The following GPC6 variants were observed in gnomAD, a reference collection of about 807,000 sequenced individuals.
GPC6 encodes the protein glypican 6, also known as glypican-6.
In GPC6, 14 loss-of-function variants were observed where a neutral mutation model predicts 55.2. The ratio of observed to expected loss-of-function variants is 0.25; its 90% CI spans 0.17 to 0.40. GPC6 has a LOEUF of 0.40. Ranked by LOEUF, GPC6 falls within the 10% of genes least tolerant of loss-of-function variation. The pLI is 1.00. For synonymous variants in GPC6, 278 were observed against 259.6 expected (o/e 1.07, Z -0.68); for missense variants, 641 against 708.5 (o/e 0.90, Z 1.08).
intron 4 of GPC6, among the ~76,000 whole-genome samples, chr13:94,057,211 G>T (rs532077506): frequency 6.6e-6 from 1 of 152,266 alleles, no homozygotes; most frequent in Non-Finnish European, 1.5e-5. Flanking sequence ...GAGAAGAATT[G>T]GAAGAAAGTA....
At chr13:94,250,505 T>C (rs1014669002) in intron 4 of GPC6, among the ~76,000 whole-genome samples, 2 of 152,192 alleles carry the variant, frequency 1.3e-5, no homozygotes, top group Non-Finnish European at 2.9e-5. Context: ...TCTTTAGCAA[T>C]TATCTTAACT....
intron 1 of GPC6, among the ~76,000 whole-genome samples, chr13:93,516,357 T>A (rs1881191419): frequency 6.6e-6 from 1 of 152,272 alleles, no homozygotes; most frequent in African/African-American, 2.4e-5. Context: ...AAGCCCAATC[T>A]ATTCATCAAA....
chr13:93,632,140 C>T (rs1323826022), intron 2 of GPC6, among the ~76,000 whole-genome samples: 1 of 152,184 alleles, frequency 6.6e-6, no homozygotes, highest in African/African-American at 2.4e-5. Flanking sequence ...AAGTTTAAAA[C>T]ATTGGATTGC....
intron 5 of GPC6, among the ~76,000 whole-genome samples, chr13:94,291,369 G>A (rs1874967543): frequency 6.6e-6 from 1 of 151,952 alleles, no homozygotes; most frequent in Non-Finnish European, 1.5e-5. Context: ...GGAGAGAACA[G>A]CCAAACTTTT....
At chr13:93,573,916 G>A (rs1040424488) in intron 2 of GPC6, among the ~76,000 whole-genome samples, 2 of 152,120 alleles carry the variant, frequency 1.3e-5, no homozygotes, top group African/African-American at 4.8e-5. Context: ...GTCTTTAGGA[G>A]ATCGTAAATG....
intron 2 of GPC6, among the ~76,000 whole-genome samples, chr13:93,658,983 G>A (rs1172382400): frequency 6.6e-6 from 1 of 151,770 alleles, no homozygotes; most frequent in African/African-American, 2.4e-5. Context: ...AATTTCATCA[G>A]TAAAAGCATA....
intron 1 of GPC6, among the ~76,000 whole-genome samples, chr13:93,514,038 T>C (rs1881088027): frequency 6.6e-6 from 1 of 151,992 alleles, no homozygotes. Flanking sequence ...CACGCCCAGC[T>C]AATTTTTGTA....
At chr13:93,510,645 T>C (rs978489542) in intron 1 of GPC6, among the ~76,000 whole-genome samples, 3 of 151,992 alleles carry the variant, frequency 2.0e-5, no homozygotes, top group Non-Finnish European at 2.9e-5. Context: ...CTTTGATGTT[T>C]TGGTTTCATT....
chr13:94,174,778 T>C (rs957360674), intron 4 of GPC6, among the ~76,000 whole-genome samples: 4 of 152,126 alleles, frequency 2.6e-5, no homozygotes, highest in African/African-American at 9.7e-5. Flanking sequence ...CAGCAGGTTT[T>C]TACCTTTCAA....
At chr13:94,127,947 A>G (rs752676992) in intron 4 of GPC6, among the ~76,000 whole-genome samples, 1 of 152,172 alleles carries the variant, frequency 6.6e-6, no homozygotes, top group Non-Finnish European at 1.5e-5. Flanking sequence ...CTTAATAAGG[A>G]AAGGCTTAAG....
At chr13:94,093,748 T>A (rs1022514024) in intron 4 of GPC6, among the ~76,000 whole-genome samples, 8 of 152,140 alleles carry the variant, frequency 5.3e-5, no homozygotes, top group African/African-American at 1.9e-4. Flanking sequence ...GAATGAACAC[T>A]TGCTTTCAGG....
intron 4 of GPC6, among the ~76,000 whole-genome samples, chr13:94,171,552 A>G (rs1202610960): frequency 1.3e-5 from 2 of 152,208 alleles, no homozygotes; most frequent in Non-Finnish European, 2.9e-5. Flanking sequence ...CTCCTAGACT[A>G]AAATGCTAAG....
chr13:93,832,732 A>G (rs1213698035), intron 3 of GPC6, among the ~76,000 whole-genome samples: 1 of 152,088 alleles, frequency 6.6e-6, no homozygotes, highest in Non-Finnish European at 1.5e-5. Context: ...TTGTTGACCA[A>G]AGTCTAACAC....
chr13:93,618,110 C>T (rs893049960), intron 2 of GPC6, among the ~76,000 whole-genome samples: 8 of 152,102 alleles, frequency 5.3e-5, no homozygotes, highest in Admixed American at 4.6e-4. Flanking sequence ...TATTAGAAAG[C>T]TGGCTAATGT....
chr13:94,129,664 T>C (rs1886943518), intron 4 of GPC6, among the ~76,000 whole-genome samples: 1 of 152,082 alleles, frequency 6.6e-6, no homozygotes, highest in South Asian at 2.1e-4. Flanking sequence ...CGTTCTAACT[T>C]CTGTTTGGTT....
chr13:94,291,399 GC>G (rs146882708), intron 5 of GPC6, among the ~76,000 whole-genome samples: 4,082 of 152,080 alleles, frequency 0.027, 164 homozygotes, highest in African/African-American at 0.09. Flanking sequence ...GGGAAAGGAA[GC>G]CAGGAGCCTA....
intron 7 of GPC6, among the ~76,000 whole-genome samples, chr13:94,396,144 C>CTT (rs1158981064): frequency 1.3e-5 from 2 of 152,200 alleles, no homozygotes; most frequent in African/African-American, 2.4e-5. Flanking sequence ...TCTCCTGTGG[C>CTT]CAGCCCCAGG....
At chr13:93,435,989 C>T (rs532398086) in intron 1 of GPC6, among the ~76,000 whole-genome samples, 48 of 152,254 alleles carry the variant, frequency 3.2e-4, no homozygotes, top group African/African-American at 1.1e-3. Flanking sequence ...AAAGTCACCT[C>T]GCTGATCATA....
chr13:93,356,234 C>T (rs991198984), intron 1 of GPC6, among the ~76,000 whole-genome samples: 1 of 152,164 alleles, frequency 6.6e-6, no homozygotes, highest in East Asian at 1.9e-4. Flanking sequence ...TACAATTAAT[C>T]TTCTAGCTCA....
Sources: allele counts gnomAD v4.1 joint callset (sites outside exome capture counted in the v4.1 genomes callset), GRCh38; gene constraint gnomAD v4.1.1; transcripts MANE v1.5; gene names NCBI Gene and HGNC (gene_info 2026-07-23, HGNC 2026-07-21).